NRG1: variants seen among roughly 807,000 people sequenced by gnomAD.
NRG1 encodes the protein neuregulin 1, also known as pro-neuregulin-1, membrane-bound isoform.
In NRG1, 18 loss-of-function variants were observed where a neutral mutation model predicts 63.8. The observed-to-expected ratio is 0.28, with a 90% CI of 0.19 to 0.42. NRG1 has a LOEUF of 0.42. Among genes scored for constraint, NRG1 ranks in the 10% least tolerant of loss-of-function variants. NRG1 has a pLI of 1.00. For synonymous variants in NRG1, 302 were observed against 301.3 expected (o/e 1.00, Z -0.02); for missense variants, 762 against 814.7 (o/e 0.94, Z 0.79).
chr8:32,667,356 C>T (rs931805788), intron 5 of NRG1, among the ~76,000 whole-genome samples: 3 of 152,186 alleles, frequency 2.0e-5, no homozygotes, highest in African/African-American at 7.2e-5. Flanking sequence ...TTGTTTATCT[C>T]TTCTTGCATC....
At chr8:32,014,800 T>TCTTCGTCTTTG (rs1246595896) in intron 1 of NRG1, among the ~76,000 whole-genome samples, 7 of 149,848 alleles carry the variant, frequency 4.7e-5, no homozygotes, top group African/African-American at 1.7e-4. Flanking sequence ...TTGCAGATGA[T>TCTTCGTCTTTG]CATCTTAAGA....
At chr8:31,982,588 G>T (rs932085865) in intron 1 of NRG1, among the ~76,000 whole-genome samples, 2 of 151,980 alleles carry the variant, frequency 1.3e-5, no homozygotes, top group Non-Finnish European at 2.9e-5. Context: ...TTTGTTTGTT[G>T]GGAATGATGA....
chr8:32,346,954 C>T (rs1437183917), intron 1 of NRG1, among the ~76,000 whole-genome samples: 3 of 151,906 alleles, frequency 2.0e-5, no homozygotes, highest in Admixed American at 2.0e-4. Flanking sequence ...CTCAGCCTCC[C>T]AAGCAGCTGG....
chr8:32,415,561 C>T (rs1484943923), intron 1 of NRG1, among the ~76,000 whole-genome samples: 1 of 151,944 alleles, frequency 6.6e-6, no homozygotes, highest in Non-Finnish European at 1.5e-5. Flanking sequence ...AGGAAGCAGT[C>T]AGCCTCATGT....
intron 1 of NRG1, among the ~76,000 whole-genome samples, chr8:31,988,949 C>T (rs115160699): frequency 0.026 from 3,966 of 151,896 alleles, 108 homozygotes; most frequent in African/African-American, 0.07. Context: ...CTGTTGCTTA[C>T]AATAAAAAGA....
At chr8:32,006,495 A>T (rs1813792592) in intron 1 of NRG1, among the ~76,000 whole-genome samples, 1 of 151,994 alleles carries the variant, frequency 6.6e-6, no homozygotes, top group Admixed American at 6.6e-5. Context: ...GGCAGACCTA[A>T]TCTAATCACA....
At chr8:32,036,108 T>A (rs1819012579) in intron 1 of NRG1, among the ~76,000 whole-genome samples, 1 of 152,234 alleles carries the variant, frequency 6.6e-6, no homozygotes, top group Admixed American at 6.5e-5. Flanking sequence ...CTTCAGGAAC[T>A]CTTGCAAGGC....
intron 1 of NRG1, among the ~76,000 whole-genome samples, chr8:32,348,317 C>A (rs906154948): frequency 6.6e-6 from 1 of 151,978 alleles, no homozygotes; most frequent in African/African-American, 2.4e-5. Flanking sequence ...AGGAAAAGTT[C>A]TTTTCACACC....
At chr8:31,911,349 C>T (rs1321030885) in intron 1 of NRG1, among the ~76,000 whole-genome samples, 5 of 152,056 alleles carry the variant, frequency 3.3e-5, no homozygotes, top group East Asian at 1.9e-4. Flanking sequence ...GCTCACCAAC[C>T]GTAGACTGGA....
chr8:32,599,932 CT>C (rs568917515), intron 2 of NRG1, among the ~76,000 whole-genome samples: 119 of 152,116 alleles, frequency 7.8e-4, no homozygotes, highest in Non-Finnish European at 1.3e-3. Context: ...TTACTGGTTG[CT>C]TTTTTTGACT....
intron 1 of NRG1, among the ~76,000 whole-genome samples, chr8:32,022,111 T>C (rs1225963670): frequency 6.6e-6 from 1 of 152,186 alleles, no homozygotes; most frequent in Non-Finnish European, 1.5e-5. Context: ...AAATTCTTAG[T>C]CATATATACT....
chr8:32,696,806 G>A (rs545799786), intron 5 of NRG1, among the ~76,000 whole-genome samples: 13 of 152,066 alleles, frequency 8.5e-5, no homozygotes, highest in Admixed American at 7.2e-4. Flanking sequence ...GATTACAGGC[G>A]TGCGCCACCG....
chr8:31,679,210 C>A (rs1306837395), intron 1 of NRG1, among the ~76,000 whole-genome samples: 2 of 152,042 alleles, frequency 1.3e-5, no homozygotes, highest in East Asian at 3.9e-4. Flanking sequence ...CTCATTTTTG[C>A]TGCTACATTT....
intron 1 of NRG1, among the ~76,000 whole-genome samples, chr8:32,331,607 G>A (rs188033021): frequency 8.5e-4 from 129 of 152,180 alleles, no homozygotes; most frequent in African/African-American, 3.1e-3. Flanking sequence ...CAAAGAGAAG[G>A]TTATCTTTTA....
At chr8:32,052,677 G>T (rs1272709119) in intron 1 of NRG1, among the ~76,000 whole-genome samples, 1 of 152,168 alleles carries the variant, frequency 6.6e-6, no homozygotes, top group African/African-American at 2.4e-5. Flanking sequence ...ATTTAGAAAT[G>T]TGGAAGAATG....
In NRG1 at chr8:32,463,874, C is replaced by CTTTTTTTTTTTTTTT. The variant is rs756489856; in HGVS notation, c.38-131929_38-131915dup. Among the ~76,000 whole-genome samples, 39 of 42,354 alleles carry CTTTTTTTTTTTTTTT rather than the reference C, an allele frequency of 9.2e-4. 8 individuals are homozygous for CTTTTTTTTTTTTTTT. The highest frequency in any genetic ancestry group is 1.3e-3 in the Non-Finnish European group (31 of 23,798). The allele number at this position is 42,354 out of a possible 152,430, so 27.8% of individuals were successfully genotyped here. Reference sequence around the variant, plus strand: ...ACACACACGAAAAAAACTTAGAATTCTTTTTTTTTTTTTTTTTTTTTTTTT... The same window carrying CTTTTTTTTTTTTTTT: ...ACACACACGAAAAAAACTTAGAATTCTTTTTTTTTTTTTTTTTTTTTTTTTTTTTTTTTTTTTTTT... On this transcript the variant is annotated intron_variant, in intron 1 of 10. Transcript: ENST00000519301.
chr8:31,748,288 C>A (rs1381334173), intron 1 of NRG1, among the ~76,000 whole-genome samples: 1 of 151,884 alleles, frequency 6.6e-6, no homozygotes, highest in East Asian at 1.9e-4. Flanking sequence ...ATTCTAAACA[C>A]CTTCTGCCAT....
intron 1 of NRG1, among the ~76,000 whole-genome samples, chr8:32,414,828 A>G (rs115973678): frequency 1.0e-3 from 155 of 152,256 alleles, no homozygotes; most frequent in African/African-American, 3.6e-3. Flanking sequence ...AACCAGGTAA[A>G]TGTTAAGGTG....
Position 31,673,518 on chromosome 8 carries a change from C to A in NRG1, c.37+34087C>A, listed in dbSNP as rs536938362. Among the ~76,000 whole-genome samples the A allele has an allele frequency of 8.3e-4, 126 of 152,212 alleles. 3 individuals are homozygous for A. In the South Asian group the frequency reaches 0.026, roughly 32 times the overall value. On this transcript the variant is annotated intron_variant, in intron 1 of 10. Coordinates refer to the NRG1 transcript ENST00000519301. Reference sequence around the variant, plus strand: ...TCATCAAGCTTATTAAATCAGATGCCCTGTACTTGTACATTTAATAAGTCA... The same window carrying A: ...TCATCAAGCTTATTAAATCAGATGCACTGTACTTGTACATTTAATAAGTCA...
Sources: gnomAD v4.1 joint callset for allele counts (sites outside exome capture counted in the v4.1 genomes callset) on GRCh38, gnomAD v4.1.1 for gene constraint, MANE v1.5 for transcripts, NCBI Gene and HGNC (gene_info 2026-07-23, HGNC 2026-07-21) for gene names.